The following REDIC1 variants were observed in gnomAD, a reference collection of about 807,000 sequenced individuals.
REDIC1 encodes the protein regulator of DNA class I crossover intermediates 1.
chr12:39,823,005 C>T, the REDIC1 span, among the ~76,000 whole-genome samples: 1 of 152,144 alleles, frequency 6.6e-6, no homozygotes, highest in Non-Finnish European at 1.5e-5. Context: ...AATATAGTCA[C>T]TAAATCCAAG....
the REDIC1 span, among the ~76,000 whole-genome samples, chr12:39,814,091 G>T: frequency 6.6e-6 from 1 of 152,048 alleles, no homozygotes; most frequent in African/African-American, 2.4e-5. Context: ...CTTCACTTTT[G>T]CCCATACTCT....
chr12:39,662,597 CT>C, the REDIC1 span, among the ~76,000 whole-genome samples: 109 of 152,120 alleles, frequency 7.2e-4, no homozygotes, highest in Admixed American at 1.8e-3. Flanking sequence ...TTGACTTTCC[CT>C]TTTCCAGTTT....
At chr12:39,626,585 G>C in the REDIC1 span, among the ~76,000 whole-genome samples, 2 of 152,162 alleles carry the variant, frequency 1.3e-5, no homozygotes, top group African/African-American at 2.4e-5. Context: ...CTTCACCTGT[G>C]GGGGCCACTG....
chr12:39,723,039 T>G, the REDIC1 span, among the ~76,000 whole-genome samples: 1 of 152,098 alleles, frequency 6.6e-6, no homozygotes, highest in Non-Finnish European at 1.5e-5. Flanking sequence ...AGTAAAGACT[T>G]TGAATACCAA....
chr12:39,675,357 A>G, the REDIC1 span, among the ~76,000 whole-genome samples: 7 of 152,008 alleles, frequency 4.6e-5, no homozygotes. Context: ...GACAAAAGAC[A>G]TAAACTCTTG....
the REDIC1 span, among the ~76,000 whole-genome samples, chr12:39,828,536 G>C: frequency 6.6e-6 from 1 of 152,090 alleles, no homozygotes; most frequent in African/African-American, 2.4e-5. Flanking sequence ...TGAGGCCTCT[G>C]ACCTCTAACT....
chr12:39,650,337 A>C, the REDIC1 span: 3 of 1,610,840 alleles, frequency 1.9e-6, no homozygotes, highest in Non-Finnish European at 2.5e-6. This position sits in a 1 kb window ranked among gnomAD's most constrained non-coding sequence, Gnocchi z 4.3. Context: ...TTGGGACATT[A>C]TTTGAAAGAT....
chr12:39,712,973 G>C, the REDIC1 span, among the ~76,000 whole-genome samples: 1 of 19,296 alleles, frequency 5.2e-5, no homozygotes, highest in South Asian at 1.5e-3. Context: ...ACGTGTATAT[G>C]TATATATACA....
chr12:39,681,284 A>C, the REDIC1 span, among the ~76,000 whole-genome samples: 48 of 152,196 alleles, frequency 3.2e-4, no homozygotes, highest in South Asian at 4.2e-4. Context: ...CACACACACA[A>C]AAAAGATTGA....
chr12:39,708,589 G>A, the REDIC1 span, among the ~76,000 whole-genome samples: 3 of 151,638 alleles, frequency 2.0e-5, no homozygotes, highest in African/African-American at 7.3e-5. Context: ...TGGAGTTTAA[G>A]TTGACTTAAG....
the REDIC1 span, among the ~76,000 whole-genome samples, chr12:39,634,417 G>T: frequency 6.6e-6 from 1 of 152,122 alleles, no homozygotes; most frequent in African/African-American, 2.4e-5. Context: ...AAACAGCATA[G>T]TACTGGTACC....
At chr12:39,730,091 A>G in the REDIC1 span, among the ~76,000 whole-genome samples, 1 of 152,148 alleles carries the variant, frequency 6.6e-6, no homozygotes, top group Non-Finnish European at 1.5e-5. Context: ...CAGCACACCT[A>G]TGGGTCTTGA....
At chr12:39,667,681 T>C in the REDIC1 span, among the ~76,000 whole-genome samples, 1 of 152,146 alleles carries the variant, frequency 6.6e-6, no homozygotes, top group Non-Finnish European at 1.5e-5. Flanking sequence ...AAGTCTCCCA[T>C]TATTAATGTG....
the REDIC1 span, among the ~76,000 whole-genome samples, chr12:39,746,223 G>A: frequency 1.2e-4 from 18 of 152,112 alleles, no homozygotes; most frequent in African/African-American, 4.3e-4. Flanking sequence ...TGGAAAATCA[G>A]GTCACTCCCA....
chr12:39,759,952 G>T, the REDIC1 span: 1 of 1,084,678 alleles, frequency 9.2e-7, no homozygotes, highest in East Asian at 2.4e-5. Context: ...TTAGAAGCAG[G>T]GCAGTGAAGT....
At chr12:39,660,100 C>T in the REDIC1 span, among the ~76,000 whole-genome samples, 1 of 152,268 alleles carries the variant, frequency 6.6e-6, no homozygotes, top group Admixed American at 6.5e-5. Flanking sequence ...CCCTAGTGAG[C>T]TCCTGAGATT....
the REDIC1 span, among the ~76,000 whole-genome samples, chr12:39,709,193 G>A: frequency 1.3e-5 from 2 of 148,672 alleles, no homozygotes; most frequent in Non-Finnish European, 3.0e-5. Flanking sequence ...TCTATATTAA[G>A]TAAGATTCTG....
the REDIC1 span, among the ~76,000 whole-genome samples, chr12:39,669,205 T>A: frequency 2.0e-5 from 3 of 152,212 alleles, no homozygotes; most frequent in African/African-American, 7.2e-5. Context: ...TGGTCTTTGA[T>A]GATGGTGACA....
chr12:39,726,972 GTGTC>G, the REDIC1 span, among the ~76,000 whole-genome samples: 2 of 152,198 alleles, frequency 1.3e-5, no homozygotes, highest in African/African-American at 2.4e-5. Context: ...CTTTTGAGAA[GTGTC>G]TGTTCATATC....
Sources: gnomAD v4.1 joint callset for allele counts (sites outside exome capture counted in the v4.1 genomes callset) on GRCh38, gnomAD v4.1.1 for gene constraint, Gnocchi (gnomAD v3.1) non-coding constraint, MANE v1.5 for transcripts, NCBI Gene and HGNC (gene_info 2026-07-23, HGNC 2026-07-21) for gene names.